POT1: variants seen among roughly 807,000 people sequenced by gnomAD.
POT1 encodes the protein protection of telomeres protein 1.
Under a neutral mutation model 78.5 loss-of-function variants are expected in POT1, and 47 were observed. That is an observed-to-expected ratio of 0.60 (90% CI 0.47 to 0.76). POT1 has a LOEUF of 0.76. Ranked by LOEUF, POT1 falls within the 30% of genes least tolerant of loss-of-function variation. The pLI is 0.00. For missense variants in POT1, 646 were observed against 749.9 expected, an observed-to-expected ratio of 0.86 and a Z score of 1.62; for synonymous variants, 259 against 260.7, an observed-to-expected ratio of 0.99 and a Z score of 0.06.
intron 9 of POT1, among the ~76,000 whole-genome samples, chr7:124,856,722 C>T (rs1017051253): frequency 6.6e-5 from 10 of 151,862 alleles, no homozygotes; most frequent in African/African-American, 1.9e-4. Context: ...AATAAAATGG[C>T]GAAGGAAGGT....
chr7:124,905,232 A>G (rs926662668), intron 3 of POT1, among the ~76,000 whole-genome samples: 1 of 152,202 alleles, frequency 6.6e-6, no homozygotes, highest in Non-Finnish European at 1.5e-5. Context: ...TCCAAACTAT[A>G]CTACAGGGCT....
chr7:124,866,851 T>C (rs184859618), intron 7 of POT1, among the ~76,000 whole-genome samples: 1 of 152,354 alleles, frequency 6.6e-6, no homozygotes, highest in Admixed American at 6.5e-5. Flanking sequence ...CAGTTAATTT[T>C]TCGTAACACA....
In POT1 at chr7:124,830,337, T is replaced by C. The variant is rs57891354; in HGVS notation, c.1506-995A>G. On this transcript the variant is annotated intron_variant, in intron 15 of 18. Transcript: ENST00000357628. The stretch of plus-strand genomic sequence containing the variant: ...AGAAAATATACTTGAAAAGATATAC[T>C]TGAATAAAAATAAAAGTTCGAAAGG... Among the ~76,000 whole-genome samples the C allele has an allele frequency of 5.3e-3, 814 of 152,266 alleles. 5 individuals carry two copies. The highest frequency in any genetic ancestry group is 0.018 in the African/African-American group (762 of 41,556).
chr7:124,905,426 A>G (rs951517937), intron 3 of POT1, among the ~76,000 whole-genome samples: 1 of 152,214 alleles, frequency 6.6e-6, no homozygotes, highest in South Asian at 2.1e-4. Flanking sequence ...CTGGCTAGCC[A>G]TGTGTAGAAA....
At chr7:124,891,331 T>C (rs985327660) in intron 6 of POT1, among the ~76,000 whole-genome samples, 1 of 151,756 alleles carries the variant, frequency 6.6e-6, no homozygotes, top group Non-Finnish European at 1.5e-5. Flanking sequence ...TATGGCCACT[T>C]CTCCTCTTTT....
intron 12 of POT1, among the ~76,000 whole-genome samples, chr7:124,846,306 C>T (rs938811797): frequency 4.6e-5 from 7 of 152,154 alleles, no homozygotes; most frequent in East Asian, 3.9e-4. Flanking sequence ...CCAATTACAA[C>T]ACAACATTAA....
At chr7:124,875,566 C>G (rs921946654) in intron 6 of POT1, among the ~76,000 whole-genome samples, 10 of 152,072 alleles carry the variant, frequency 6.6e-5, no homozygotes, top group Non-Finnish European at 1.5e-4. Context: ...AGTCATTTAA[C>G]CATTATTAGA....
At chr7:124,863,862 T>C (rs959772100) in intron 7 of POT1, among the ~76,000 whole-genome samples, 1 of 152,176 alleles carries the variant, frequency 6.6e-6, no homozygotes, top group African/African-American at 2.4e-5. Flanking sequence ...TGAACCTCCA[T>C]GCAAAATTCA....
intron 6 of POT1, among the ~76,000 whole-genome samples, chr7:124,871,699 G>T (rs1404158235): frequency 6.6e-6 from 1 of 150,858 alleles, no homozygotes; most frequent in East Asian, 1.9e-4. Context: ...AACACTGGTG[G>T]TAGTAAAAAC....
intron 6 of POT1, among the ~76,000 whole-genome samples, chr7:124,880,317 C>T (rs1434117456): frequency 6.6e-6 from 1 of 152,066 alleles, no homozygotes; most frequent in Non-Finnish European, 1.5e-5. Context: ...TTACGTCTCT[C>T]ACTTTAAATG....
chr7:124,911,491 G>T (rs1025528645), intron 3 of POT1, among the ~76,000 whole-genome samples: 2 of 152,106 alleles, frequency 1.3e-5, no homozygotes, highest in African/African-American at 4.8e-5. Context: ...AATTTTATCA[G>T]CAATCAATCT....
chr7:124,881,650 T>C (rs1796121000), intron 6 of POT1, among the ~76,000 whole-genome samples: 1 of 151,934 alleles, frequency 6.6e-6, no homozygotes, highest in Admixed American at 6.6e-5. Context: ...GGAAGTGAAG[T>C]GTTTTACCAA....
intron 7 of POT1, among the ~76,000 whole-genome samples, chr7:124,869,346 A>G (rs1005250926): frequency 6.6e-6 from 1 of 152,192 alleles, no homozygotes; most frequent in East Asian, 1.9e-4. Context: ...GGAGGGGGTT[A>G]TGAAGGAAGT....
chr7:124,894,145 A>G (rs1376059219), intron 5 of POT1, among the ~76,000 whole-genome samples: 1 of 151,626 alleles, frequency 6.6e-6, no homozygotes, highest in Non-Finnish European at 1.5e-5. Context: ...TCTGAGAGTT[A>G]AAATTTTAAA....
chr7:124,874,737 A>T (rs1795949348), intron 6 of POT1, among the ~76,000 whole-genome samples: 1 of 151,700 alleles, frequency 6.6e-6, no homozygotes, highest in African/African-American at 2.4e-5. Flanking sequence ...CTGCCTCAAA[A>T]AAAAAAAAAG....
At chr7:124,833,528 T>C (rs1260365529) in intron 15 of POT1, among the ~76,000 whole-genome samples, 1 of 152,218 alleles carries the variant, frequency 6.6e-6, no homozygotes, top group Non-Finnish European at 1.5e-5. Context: ...CCCTACCCCC[T>C]CCTTCTAAAT....
In POT1 at chr7:124,822,663, GAA is replaced by G; in HGVS notation, c.*1297_*1298del. 1 of 369,730 alleles carries G rather than the reference GAA, an allele frequency of 2.7e-6. No homozygotes were observed. Among genetic ancestry groups the G allele is most frequent in the South Asian group, 1.9e-5 (1 of 51,566 alleles). 22.9% of individuals were successfully genotyped at this position (369,730 alleles called of 1,614,324 possible). A position where few individuals can be genotyped will look rare whatever the true frequency, so the allele number is the denominator to read the frequency against. On this transcript the variant is annotated 3_prime_UTR_variant, in exon 19 of 19. Transcript: ENST00000357628. The stretch of plus-strand genomic sequence containing the variant: ...AAAATATTTTTCCTGAAAATGTTTT[GAA>G]CCAAGAGTCTATATTCTTGAAAATA...
At chr7:124,886,664 C>T (rs766045467) in intron 6 of POT1, among the ~76,000 whole-genome samples, 1 of 152,032 alleles carries the variant, frequency 6.6e-6, no homozygotes, top group African/African-American at 2.4e-5. Flanking sequence ...TGGCTCATTA[C>T]TAGCCATGAA....
chr7:124,842,669 C>T (rs1795055869), intron 13 of POT1, 138 bp downstream of exon 13: 1 of 578,192 alleles, frequency 1.7e-6, no homozygotes, highest in Non-Finnish European at 2.6e-6. Flanking sequence ...AGCACTTTAC[C>T]TAAAAAATTT....
Sources: allele counts gnomAD v4.1 joint callset (sites outside exome capture counted in the v4.1 genomes callset), GRCh38; gene constraint gnomAD v4.1.1; transcripts MANE v1.5; gene names NCBI Gene and HGNC (gene_info 2026-07-23, HGNC 2026-07-21).